MTA3: variants seen among roughly 807,000 people sequenced by gnomAD.
MTA3 encodes metastasis-associated protein MTA3.
Under a neutral mutation model 83.5 loss-of-function variants are expected in MTA3, and 34 were observed. That is an observed-to-expected ratio of 0.41 (90% confidence interval 0.31 to 0.54). The LOEUF is 0.54. Among genes scored for constraint, MTA3 ranks in the 20% least tolerant of loss-of-function variants. The pLI, the probability that MTA3 is intolerant of heterozygous loss-of-function variation, is 0.33. For synonymous variants in MTA3, 303 were observed against 252.7 expected (o/e 1.20, Z -1.89); for missense variants, 761 against 726.4 (o/e 1.05, Z -0.55).
intron 4 of MTA3, among the ~76,000 whole-genome samples, chr2:42,636,118 G>C (rs919573677): frequency 6.6e-6 from 1 of 152,110 alleles, no homozygotes; most frequent in African/African-American, 2.4e-5. Flanking sequence ...ACTAAACTTG[G>C]TGATGTTTGT....
At chr2:42,649,851 A>G (rs1688547189) in intron 6 of MTA3, among the ~76,000 whole-genome samples, 1 of 152,202 alleles carries the variant, frequency 6.6e-6, no homozygotes, top group Non-Finnish European at 1.5e-5. Context: ...GTAAAAAGGG[A>G]CCTACAGCTC....
At chr2:42,500,304 C>T (rs889951075) in intron 2 of MTA3, among the ~76,000 whole-genome samples, 2 of 151,980 alleles carry the variant, frequency 1.3e-5, no homozygotes, top group Non-Finnish European at 2.9e-5. Flanking sequence ...GAGGCTAAGG[C>T]GGGAGAATCT....
At chr2:42,589,439 C>G (rs1177231476) in intron 3 of MTA3, among the ~76,000 whole-genome samples, 1 of 152,114 alleles carries the variant, frequency 6.6e-6, no homozygotes, top group Admixed American at 6.6e-5. Flanking sequence ...GCCAGTCTTC[C>G]CTGACAAACC....
intron 16 of MTA3, among the ~76,000 whole-genome samples, chr2:42,741,510 A>T (rs1411042783): frequency 6.6e-6 from 1 of 152,150 alleles, no homozygotes; most frequent in African/African-American, 2.4e-5. Context: ...AAAGTGAGAG[A>T]TACCCTTCTT....
chr2:42,584,832 C>G (rs750143680), intron 3 of MTA3, among the ~76,000 whole-genome samples: 4 of 152,028 alleles, frequency 2.6e-5, no homozygotes, highest in Non-Finnish European at 4.4e-5. Context: ...GTGCCACACC[C>G]TGGGTGTGTT....
intron 9 of MTA3, 40 bp from the exon 10 acceptor site, chr2:42,695,725 A>G (rs1246404517): frequency 1.7e-6 from 2 of 1,162,748 alleles, no homozygotes; most frequent in East Asian, 2.7e-5. Flanking sequence ...ATTTTATTAT[A>G]TGTTAACATA....
rs1670100035 is a variant in MTA3 at position 42,754,408 on chromosome 2, A to G, written c.*1009A>G. 6 of 985,240 alleles carry G rather than the reference A, an allele frequency of 6.1e-6. No homozygotes were observed. The highest frequency in any genetic ancestry group is 4.7e-5 in the South Asian group (1 of 21,284). 61.0% of individuals were successfully genotyped at this position (985,240 alleles called of 1,614,324 possible). ...CTCCAGCCCAACATCTTGTGAGCACATGTGACCTAGGCCCCGGGGGACCTG... is the reference window on the plus strand; with the variant it reads ...CTCCAGCCCAACATCTTGTGAGCACGTGTGACCTAGGCCCCGGGGGACCTG... On this transcript the variant is annotated 3_prime_UTR_variant, in exon 17 of 17. Coordinates refer to ENST00000405094, the MANE Select transcript of MTA3 (RefSeq NM_001330442.2).
intron 6 of MTA3, among the ~76,000 whole-genome samples, chr2:42,651,904 G>T (rs1300427225): frequency 2.0e-5 from 3 of 151,878 alleles, no homozygotes; most frequent in Non-Finnish European, 4.4e-5. Context: ...GACTAGCCTG[G>T]CCAACATGGT....
intron 16 of MTA3, among the ~76,000 whole-genome samples, chr2:42,736,419 C>G (rs1668620014): frequency 6.6e-6 from 1 of 152,142 alleles, no homozygotes; most frequent in African/African-American, 2.4e-5. Context: ...CACCCAAGGC[C>G]TATGATGATC....
At chr2:42,658,339 C>G (rs1558551732) in intron 7 of MTA3, among the ~76,000 whole-genome samples, 1 of 152,080 alleles carries the variant, frequency 6.6e-6, no homozygotes, top group African/African-American at 2.4e-5. Flanking sequence ...ATGCATATAC[C>G]TTTGCACCAA....
intron 2 of MTA3, among the ~76,000 whole-genome samples, chr2:42,577,045 G>C (rs1340394724): frequency 7.3e-6 from 1 of 137,506 alleles, no homozygotes; most frequent in Non-Finnish European, 1.5e-5. Flanking sequence ...AGTGAGCCGA[G>C]ATTGTGCCAC....
chr2:42,592,688 T>G (rs1681167427), intron 3 of MTA3, among the ~76,000 whole-genome samples: 1 of 152,170 alleles, frequency 6.6e-6, no homozygotes. Context: ...AATATCACTG[T>G]CTTCTCAGTC....
chr2:42,523,966 A>C (rs1010955511), intron 2 of MTA3, among the ~76,000 whole-genome samples: 1 of 152,114 alleles, frequency 6.6e-6, no homozygotes, highest in Admixed American at 6.5e-5. Context: ...CACGGACTGG[A>C]ATAGAATATT....
chr2:42,521,030 G>A (rs917092813), intron 2 of MTA3, among the ~76,000 whole-genome samples: 6 of 152,168 alleles, frequency 3.9e-5, no homozygotes, highest in Non-Finnish European at 5.9e-5. Context: ...CCTGTGGTAG[G>A]CAGCCTGTAA....
chr2:42,548,125 A>G (rs755596975), intron 2 of MTA3, among the ~76,000 whole-genome samples: 2 of 152,072 alleles, frequency 1.3e-5, no homozygotes, highest in Non-Finnish European at 2.9e-5. Context: ...ATCCCCTCTT[A>G]TCCGTGGTTT....
intron 8 of MTA3, among the ~76,000 whole-genome samples, chr2:42,667,578 G>GTGTGTT (rs1690355080): frequency 2.3e-5 from 3 of 129,912 alleles, no homozygotes; most frequent in Non-Finnish European, 3.4e-5. Flanking sequence ...AATTGTGTGT[G>GTGTGTT]TGTGTGTGTG....
chr2:42,625,075 A>C (rs981208324), intron 4 of MTA3, among the ~76,000 whole-genome samples: 1 of 152,072 alleles, frequency 6.6e-6, no homozygotes, highest in African/African-American at 2.4e-5. Context: ...TTTGTCACCC[A>C]GGCTGGAGTG....
At chr2:42,608,030 G>T (rs1558493266) in intron 3 of MTA3, among the ~76,000 whole-genome samples, 1 of 152,198 alleles carries the variant, frequency 6.6e-6, no homozygotes, top group African/African-American at 2.4e-5. Context: ...TTAGTGATCT[G>T]CATCATGAGA....
In MTA3 at chr2:42,662,370, A is replaced by G. The variant is rs58251550; in HGVS notation, c.702+2508A>G. Among the ~76,000 whole-genome samples, 28 of 151,420 alleles carry G rather than the reference A, an allele frequency of 1.8e-4. No individual in the cohort carries two copies. In the East Asian group the frequency reaches 5.0e-3, roughly 27 times the overall value. On this transcript the variant is annotated intron_variant, in intron 8 of 16. Coordinates refer to ENST00000405094, the MANE Select transcript of MTA3 (RefSeq NM_001330442.2). ...TATTTCTTGTGTCTTGTTTTTTCTAATGGTTTTAAAGTTTTCTTCATATTT... is the reference window on the plus strand; with the variant it reads ...TATTTCTTGTGTCTTGTTTTTTCTAGTGGTTTTAAAGTTTTCTTCATATTT...
Sources: allele counts gnomAD v4.1 joint callset (sites outside exome capture counted in the v4.1 genomes callset), GRCh38; gene constraint gnomAD v4.1.1; transcripts MANE v1.5; gene names NCBI Gene and HGNC (gene_info 2026-07-23, HGNC 2026-07-21).